GOLIM4: variants seen among roughly 807,000 people sequenced by gnomAD.
GOLIM4 encodes the protein 130 kDa golgi-localized phosphoprotein.
Under a neutral mutation model 107.4 loss-of-function variants are expected in GOLIM4, and 71 were observed. The observed-to-expected ratio is 0.66, with a 90% CI of 0.55 to 0.81. GOLIM4 has a LOEUF of 0.81. Among genes scored for constraint, GOLIM4 ranks in the 30% least tolerant of loss-of-function variants. The probability of loss-of-function intolerance (pLI) is 0.00; values close to 1 mark genes in which losing one functional copy is unlikely to be tolerated. For synonymous variants in GOLIM4, 327 were observed against 294.8 expected (o/e 1.11, Z -1.12); for missense variants, 830 against 826.1 (o/e 1.00, Z -0.06).
At chr3:168,040,151 C>G (rs1416808649) in intron 7 of GOLIM4, among the ~76,000 whole-genome samples, 1 of 152,162 alleles carries the variant, frequency 6.6e-6, no homozygotes, top group Non-Finnish European at 1.5e-5. Context: ...CTGCATAACA[C>G]TTAGCATGAA....
Position 168,095,367 on chromosome 3 carries a change from G to C in GOLIM4, c.-82C>G. 1.7e-6 allele frequency: 2 copies of C among 1,170,812 alleles called. No individual in the cohort carries two copies. Among genetic ancestry groups the C allele is most frequent in the East Asian group, 5.4e-5 (2 of 37,090 alleles). 72.5% of individuals were successfully genotyped at this position (1,170,812 alleles called of 1,614,324 possible). A position where few individuals can be genotyped will look rare whatever the true frequency, so the allele number is the denominator to read the frequency against. ...AGCGAGCGTCTCAGCAGCGGCCGCC[G>C]CAGTAGGTGGCCAGACGCAGCATGA... On this transcript the variant is annotated 5_prime_UTR_variant, in exon 1 of 16. Coordinates refer to ENST00000470487, the MANE Select transcript of GOLIM4 (RefSeq NM_014498.5).
At chr3:168,035,193 T>C (rs1718578502) in intron 8 of GOLIM4, among the ~76,000 whole-genome samples, 1 of 152,236 alleles carries the variant, frequency 6.6e-6, no homozygotes. Flanking sequence ...GGAATGGTTA[T>C]ACACTGTTGG....
At chr3:168,086,037 T>C (rs1460606804) in intron 1 of GOLIM4, among the ~76,000 whole-genome samples, 1 of 152,166 alleles carries the variant, frequency 6.6e-6, no homozygotes, top group Non-Finnish European at 1.5e-5. Flanking sequence ...TTTGAGGTGA[T>C]GACCGCCTAT....
At chr3:168,048,197 C>G in intron 2 of GOLIM4, 94 bp downstream of exon 2, 1 of 697,910 alleles carries the variant, frequency 1.4e-6, no homozygotes, top group South Asian at 1.6e-5. Flanking sequence ...GATTTGAGAA[C>G]GATCTTAGCC....
intron 1 of GOLIM4, among the ~76,000 whole-genome samples, chr3:168,086,096 A>G (rs1447791420): frequency 1.3e-5 from 2 of 152,178 alleles, no homozygotes; most frequent in Non-Finnish European, 2.9e-5. Flanking sequence ...GATGTTTGAC[A>G]TCAATACAAT....
At chr3:168,078,918 T>C (rs1721200717) in intron 1 of GOLIM4, among the ~76,000 whole-genome samples, 1 of 150,032 alleles carries the variant, frequency 6.7e-6, no homozygotes, top group African/African-American at 2.5e-5. Flanking sequence ...AATGCTTGTG[T>C]TTTGAACATT....
At chr3:168,050,530 T>A (rs1185008808) in intron 1 of GOLIM4, among the ~76,000 whole-genome samples, 1 of 151,846 alleles carries the variant, frequency 6.6e-6, no homozygotes, top group African/African-American at 2.4e-5. Context: ...ACTATCATGA[T>A]AAAACAGAGG....
chr3:168,068,884 T>A (rs1459071716), intron 1 of GOLIM4, among the ~76,000 whole-genome samples: 3 of 151,774 alleles, frequency 2.0e-5, no homozygotes, highest in Non-Finnish European at 2.9e-5. Context: ...TTGCCCAGGC[T>A]GAAGCTCAAT....
At chr3:168,049,472 A>C (rs1577539534) in intron 1 of GOLIM4, among the ~76,000 whole-genome samples, 1 of 152,146 alleles carries the variant, frequency 6.6e-6, no homozygotes, top group South Asian at 2.1e-4. Context: ...GAACAGAGTA[A>C]ATTAAAATTC....
intron 14 of GOLIM4, among the ~76,000 whole-genome samples, chr3:168,022,049 T>C (rs1717721629): frequency 6.6e-6 from 1 of 152,140 alleles, no homozygotes; most frequent in African/African-American, 2.4e-5. Context: ...TGCTTGTAAG[T>C]CTTAGAAAGA....
At chr3:168,061,030 T>G (rs188737962) in intron 1 of GOLIM4, among the ~76,000 whole-genome samples, 130 of 152,184 alleles carry the variant, frequency 8.5e-4, no homozygotes, top group African/African-American at 3.0e-3. Flanking sequence ...AAAAGTATGA[T>G]GGAGGTTAAA....
chr3:168,095,470 A>C lies in GOLIM4; in HGVS notation c.-185T>G. 1.8e-6 allele frequency: 1 copy of C among 548,102 alleles called. No homozygotes were observed. The highest frequency in any genetic ancestry group is 2.3e-5 in the South Asian group (1 of 42,598). The allele number at this position is 548,102 out of a possible 1,614,324, so 34.0% of individuals were successfully genotyped here. ...AGCCCCCGCGCGGCGCGGGGCGCGC[A>C]GCCATCGACGCCGCCCGGGCAGCTG... On this transcript the variant is annotated 5_prime_UTR_variant, in exon 1 of 16. Coordinates refer to ENST00000470487, the MANE Select transcript of GOLIM4 (RefSeq NM_014498.5).
At chr3:168,075,291 T>G (rs974188167) in intron 1 of GOLIM4, among the ~76,000 whole-genome samples, 2 of 81,918 alleles carry the variant, frequency 2.4e-5, no homozygotes, top group African/African-American at 4.9e-5. Flanking sequence ...CACTAGTTTT[T>G]TTTTTTTTTT....
chr3:168,048,181 T>C (rs926978743), intron 2 of GOLIM4, 110 bp downstream of exon 2: 4 of 676,086 alleles, frequency 5.9e-6, no homozygotes, highest in Non-Finnish European at 8.1e-6. Flanking sequence ...TATCTGACTT[T>C]GGGTTGATTT....
At chr3:168,077,053 TG>T (rs1721114519) in intron 1 of GOLIM4, among the ~76,000 whole-genome samples, 1 of 152,220 alleles carries the variant, frequency 6.6e-6, no homozygotes, top group South Asian at 2.1e-4. Flanking sequence ...TACACAAATG[TG>T]ACTAAAATTA....
intron 8 of GOLIM4, among the ~76,000 whole-genome samples, chr3:168,033,457 A>G (rs1718451595): frequency 6.6e-6 from 1 of 151,384 alleles, no homozygotes; most frequent in Non-Finnish European, 1.5e-5. Context: ...AACACAAAAA[A>G]TTAGCCGGGC....
At chr3:168,045,222 A>G (rs1218545549) in intron 3 of GOLIM4, among the ~76,000 whole-genome samples, 1 of 152,174 alleles carries the variant, frequency 6.6e-6, no homozygotes, top group South Asian at 2.1e-4. Context: ...GTCACCGCGC[A>G]GGGCTAATAT....
chr3:168,029,414 A>C lies in GOLIM4; in HGVS notation c.1434-112T>G, dbSNP rs1366858968. Reference sequence around the variant, plus strand: ...ATAAGTAATGTTTCTCAACATTTTTAAGAAGCCATGAAAAATTTTTAAAAA... The same window carrying C: ...ATAAGTAATGTTTCTCAACATTTTTCAGAAGCCATGAAAAATTTTTAAAAA... On this transcript the variant is annotated intron_variant, in intron 10 of 15. Transcript: ENST00000470487. 6 of 676,412 alleles carry C rather than the reference A, an allele frequency of 8.9e-6. No homozygotes were observed. In the East Asian group the frequency reaches 1.7e-4, roughly 19 times the overall value. The allele number at this position is 676,412 out of a possible 1,614,324, so 41.9% of individuals were successfully genotyped here. A position where few individuals can be genotyped will look rare whatever the true frequency, so the allele number is the denominator to read the frequency against.
rs1717918528 is a variant in GOLIM4 at position 168,025,005 on chromosome 3, T to A, written c.1714A>T (p.Asn572Tyr). 3.1e-6 allele frequency: 5 copies of A among 1,613,878 alleles called. No individual in the cohort carries two copies. The highest frequency in any genetic ancestry group is 4.2e-6 in the Non-Finnish European group (5 of 1,179,864). Reference protein sequence around the residue: ...FEEAEQVREENLPDENEEQKQ... With the variant: ...FEEAEQVREEYLPDENEEQKQ... Reference sequence around the variant, plus strand: ...TGCTCTTCATTTTCATCTGGCAAATTTTCTTCTCTCACTTGCTCGGCTTCT... The same window carrying A: ...TGCTCTTCATTTTCATCTGGCAAATATTCTTCTCTCACTTGCTCGGCTTCT... Residue 572 changes from asparagine to tyrosine, a missense_variant, in exon 13 of 16, where the codon AAT (asparagine) becomes TAT (tyrosine). By Grantham distance (143) the Asn-to-Tyr change is moderately radical. Transcript: ENST00000470487.
Sources: gnomAD v4.1 joint callset for allele counts (sites outside exome capture counted in the v4.1 genomes callset) on GRCh38, gnomAD v4.1.1 for gene constraint, MANE v1.5 for transcripts, NCBI Gene and HGNC (gene_info 2026-07-23, HGNC 2026-07-21) for gene names.